FAF1: variants seen among roughly 807,000 people sequenced by gnomAD.
FAF1 encodes Fas associated factor 1, also known as FAS-associated factor 1.
FAF1 carries 25 observed loss-of-function variants against 92.5 expected under a neutral mutation model. That is an observed-to-expected ratio of 0.27 (90% confidence interval 0.20 to 0.38). FAF1 has a LOEUF of 0.38. FAF1 is among the 10% of genes least tolerant of loss of function. The pLI, the probability that FAF1 is intolerant of heterozygous loss-of-function variation, is 1.00. For synonymous variants in FAF1, 234 were observed against 273.2 expected, an observed-to-expected ratio of 0.86 and a Z score of 1.42; for missense variants, 636 against 793.3, an observed-to-expected ratio of 0.80 and a Z score of 2.38.
chr1:50,887,027 C>G (rs190693572), intron 1 of FAF1, among the ~76,000 whole-genome samples: 2 of 152,312 alleles, frequency 1.3e-5, no homozygotes, highest in East Asian at 1.9e-4. Flanking sequence ...TCTCCAAATC[C>G]TCTCCAGCAC....
At chr1:50,745,519 T>C (rs1659554281) in intron 4 of FAF1, among the ~76,000 whole-genome samples, 1 of 152,134 alleles carries the variant, frequency 6.6e-6, no homozygotes, top group Non-Finnish European at 1.5e-5. Flanking sequence ...CATAGGGGGC[T>C]GATTTCCCTC....
In FAF1 at chr1:50,553,164, T is replaced by C. The variant is rs566854340; in HGVS notation, c.1269-13436A>G. On this transcript the variant is annotated intron_variant, in intron 13 of 18. Transcript: ENST00000396153. ...AGAAAGGTCAATAGATTGGAAGGCA[T>C]GAGGAGATAAAAAAATCTTTAAGAC... Among the ~76,000 whole-genome samples the C allele has an allele frequency of 1.5e-3, 224 of 152,082 alleles. 3 individuals are homozygous for C. The highest frequency in any genetic ancestry group is 2.3e-3 in the Non-Finnish European group (157 of 67,988).
rs147033798 is a variant in FAF1 at position 50,600,231 on chromosome 1, C to T, written c.745-4015G>A. Among the ~76,000 whole-genome samples, 1,144 of 152,208 alleles carry T rather than the reference C, an allele frequency of 7.5e-3. 6 individuals carry two copies. The highest frequency in any genetic ancestry group is 0.012 in the Non-Finnish European group (787 of 68,004). On this transcript the variant is annotated intron_variant, in intron 8 of 18. Transcript: ENST00000396153. Reference sequence around the variant, plus strand: ...CTCAATGCTTAAAGCCTTTGTGATGCGTTCAGTGGTTATATTAATATAATA... The same window carrying T: ...CTCAATGCTTAAAGCCTTTGTGATGTGTTCAGTGGTTATATTAATATAATA...
At chr1:50,906,704 GC>G (rs1487026283) in intron 1 of FAF1, among the ~76,000 whole-genome samples, 1 of 152,192 alleles carries the variant, frequency 6.6e-6, no homozygotes, top group African/African-American at 2.4e-5. Context: ...GTATAGGAAT[GC>G]CTGTGATTTT....
rs529074849 is a variant in FAF1 at position 50,479,203 on chromosome 1, C to A, written c.1654-3524G>T. The stretch of plus-strand genomic sequence containing the variant: ...AGAGCCGATAACATCTTCCTCACAG[C>A]ATCCTTCTATAAGATGCAGAATGTT... On this transcript the variant is annotated intron_variant, in intron 17 of 18. Transcript: ENST00000396153. 1.6e-3 allele frequency among the ~76,000 whole-genome samples: 246 copies of A among 151,702 alleles called. 13 individuals are homozygous for A. In the South Asian group the frequency reaches 0.05, roughly 31 times the overall value.
At chr1:50,506,149 G>C (rs548572153) in intron 15 of FAF1, among the ~76,000 whole-genome samples, 2 of 152,076 alleles carry the variant, frequency 1.3e-5, no homozygotes, top group African/African-American at 4.8e-5. Context: ...GACAAGTGGA[G>C]GAATAATTTC....
intron 3 of FAF1, among the ~76,000 whole-genome samples, chr1:50,800,816 T>C (rs2124591464): frequency 6.6e-6 from 1 of 152,310 alleles, no homozygotes; most frequent in East Asian, 1.9e-4. Flanking sequence ...TCATCCGCAC[T>C]TACCAGATCA....
intron 4 of FAF1, among the ~76,000 whole-genome samples, chr1:50,750,822 C>A (rs1659832160): frequency 1.3e-5 from 2 of 151,440 alleles, no homozygotes; most frequent in Admixed American, 6.6e-5. Flanking sequence ...GGGGGTTAAC[C>A]ATGCAGGCCA....
intron 8 of FAF1, among the ~76,000 whole-genome samples, chr1:50,598,454 C>T (rs1434185081): frequency 7.6e-6 from 1 of 132,378 alleles, no homozygotes; most frequent in Non-Finnish European, 1.6e-5. Flanking sequence ...AAAGCAAGAA[C>T]CTGTCTTTAA....
At chr1:50,494,249 T>C (rs979523976) in intron 15 of FAF1, among the ~76,000 whole-genome samples, 2 of 152,254 alleles carry the variant, frequency 1.3e-5, no homozygotes, top group Non-Finnish European at 2.9e-5. Context: ...GAAAACTGCT[T>C]ATGTGTTTCC....
intron 7 of FAF1, among the ~76,000 whole-genome samples, chr1:50,668,004 A>C (rs1655708405): frequency 6.6e-6 from 1 of 152,210 alleles, no homozygotes; most frequent in Non-Finnish European, 1.5e-5. Context: ...TGAGATGTGA[A>C]AAAAGTGGTG....
At chr1:50,804,740 A>G (rs1662125969) in intron 2 of FAF1, among the ~76,000 whole-genome samples, 1 of 152,222 alleles carries the variant, frequency 6.6e-6, no homozygotes, top group African/African-American at 2.4e-5. Flanking sequence ...CCTCCATAAG[A>G]ATATTGATTT....
At chr1:50,571,553 G>C (rs1650440166) in intron 12 of FAF1, among the ~76,000 whole-genome samples, 1 of 152,238 alleles carries the variant, frequency 6.6e-6, no homozygotes, top group South Asian at 2.1e-4. Context: ...GCAATTTCAA[G>C]AGAAATAATG....
chr1:50,459,538 T>C (rs1646399576), intron 18 of FAF1, among the ~76,000 whole-genome samples: 1 of 152,222 alleles, frequency 6.6e-6, no homozygotes, highest in Non-Finnish European at 1.5e-5. Context: ...GCTGGAGACC[T>C]CTAAGTCACC....
At chr1:50,822,889 C>A (rs781051481) in intron 2 of FAF1, among the ~76,000 whole-genome samples, 5 of 151,884 alleles carry the variant, frequency 3.3e-5, no homozygotes, top group Admixed American at 6.6e-5. Flanking sequence ...ATTCTCCTAC[C>A]TCAGCCTCCT....
intron 17 of FAF1, among the ~76,000 whole-genome samples, chr1:50,481,440 AC>A (rs1468570438): frequency 5.3e-5 from 8 of 152,314 alleles, no homozygotes; most frequent in African/African-American, 1.4e-4. Flanking sequence ...ACAAACACTT[AC>A]CATTGTATTA....
At chr1:50,670,072 G>C (rs768059431) in intron 7 of FAF1, among the ~76,000 whole-genome samples, 1 of 146,044 alleles carries the variant, frequency 6.8e-6, no homozygotes, top group African/African-American at 2.5e-5. Flanking sequence ...GGTGAGCCGA[G>C]ATTGCGCCAT....
At chr1:50,552,822 C>T (rs1649375083) in intron 13 of FAF1, among the ~76,000 whole-genome samples, 1 of 152,112 alleles carries the variant, frequency 6.6e-6, no homozygotes, top group Non-Finnish European at 1.5e-5. Flanking sequence ...AAATAGATAT[C>T]TCAGTTAGGC....
chr1:50,815,538 G>A (rs1035929375), intron 2 of FAF1, among the ~76,000 whole-genome samples: 1 of 152,170 alleles, frequency 6.6e-6, no homozygotes, highest in African/African-American at 2.4e-5. Flanking sequence ...TTGGTAGAAA[G>A]ATGTATTTTC....
Sources: gnomAD v4.1 joint callset for allele counts (sites outside exome capture counted in the v4.1 genomes callset) on GRCh38, gnomAD v4.1.1 for gene constraint, MANE v1.5 for transcripts, NCBI Gene and HGNC (gene_info 2026-07-23, HGNC 2026-07-21) for gene names.